TCF4: variants seen among roughly 807,000 people sequenced by gnomAD.
TCF4 encodes the protein transcription factor 4.
Under a neutral mutation model 82.1 loss-of-function variants are expected in TCF4, and 3 were observed. The observed-to-expected ratio is 0.04, with a 90% CI of 0.02 to 0.09. The LOEUF (loss-of-function observed/expected upper bound fraction) is 0.09. TCF4 is among the 10% of genes least tolerant of loss of function. The pLI is 1.00. For missense variants in TCF4, 518 were observed against 852.7 expected (o/e 0.61, Z 4.89); for synonymous variants, 276 against 309.6 (o/e 0.89, Z 1.14).
intron 2 of TCF4, among the ~76,000 whole-genome samples, chr18:55,626,667 G>A (rs1049553084): frequency 6.6e-6 from 1 of 152,202 alleles, no homozygotes; most frequent in African/African-American, 2.4e-5. Flanking sequence ...GACCAGGAGT[G>A]TAAAAGGTAC....
chr18:55,368,104 A>G (rs2145465999), intron 6 of TCF4, among the ~76,000 whole-genome samples: 1 of 152,316 alleles, frequency 6.6e-6, no homozygotes, highest in East Asian at 1.9e-4. Flanking sequence ...TAGTGTTTTC[A>G]GCCGGGCGCG....
intron 8 of TCF4, among the ~76,000 whole-genome samples, chr18:55,349,369 T>C (rs1467908551): frequency 3.9e-5 from 6 of 152,140 alleles, no homozygotes; most frequent in Non-Finnish European, 8.8e-5. Flanking sequence ...AGACCTATTA[T>C]TCTTCTAATA....
At chr18:55,589,954 G>A (rs559022105), upstream of TCF4, 23 of 495,928 alleles carry the variant, frequency 4.6e-5, no homozygotes, top group South Asian at 8.7e-5. Flanking sequence ...CTCCGGGAGC[G>A]GAGGCGGGTG....
intron 3 of TCF4, among the ~76,000 whole-genome samples, chr18:55,532,653 A>T (rs1045785848): frequency 1.3e-5 from 2 of 152,238 alleles, no homozygotes; most frequent in Non-Finnish European, 2.9e-5. Flanking sequence ...GTTCTAGCTT[A>T]AAGGATGGTC....
At chr18:55,280,482 T>C (rs11876095) in intron 8 of TCF4, among the ~76,000 whole-genome samples, 1,629 of 152,286 alleles carry the variant, frequency 0.011, 34 homozygotes, top group African/African-American at 0.036. Context: ...AAAGCACAAA[T>C]TCATAAGGTA....
chr18:55,304,136 G>A (rs1297792148), intron 8 of TCF4, among the ~76,000 whole-genome samples: 1 of 152,166 alleles, frequency 6.6e-6, no homozygotes, highest in East Asian at 1.9e-4. Context: ...TATAAGTAAA[G>A]CTAGAGGGTC....
At chr18:55,261,971 G>A (rs550886213) in intron 11 of TCF4, among the ~76,000 whole-genome samples, 37 of 152,232 alleles carry the variant, frequency 2.4e-4, no homozygotes, top group African/African-American at 7.5e-4. Context: ...ATAGCAAAAC[G>A]GGGTATTCGT....
At position 55,489,438 on chromosome 18, in the gene TCF4, G is replaced by A. The variant is rs75208627; in HGVS notation, c.146-25301C>T. Among the ~76,000 whole-genome samples, 798 of 152,158 alleles carry A rather than the reference G, an allele frequency of 5.2e-3. 8 individuals carry two copies. The highest frequency in any genetic ancestry group is 0.018 in the African/African-American group (763 of 41,486). Reference sequence around the variant, plus strand: ...GTTGAAGAGAAGATAATAAAGTTCAGAGCCTCAAGTACCAGGCGAGTATCA... The same window carrying A: ...GTTGAAGAGAAGATAATAAAGTTCAAAGCCTCAAGTACCAGGCGAGTATCA... On this transcript the variant is annotated intron_variant, in intron 3 of 19. Transcript: ENST00000354452.
intron 3 of TCF4, 38 bp from the exon 4 acceptor site, chr18:55,464,175 G>T: frequency 6.3e-7 from 1 of 1,597,254 alleles, no homozygotes; most frequent in Non-Finnish European, 8.6e-7. Context: ...CTTTCTTGCA[G>T]TAATTTTTTC....
intron 3 of TCF4, among the ~76,000 whole-genome samples, chr18:55,511,330 TTAAAAAAAAAAA>T (rs2096826730): frequency 2.7e-5 from 2 of 73,072 alleles, no homozygotes; most frequent in African/African-American, 7.2e-5. Flanking sequence ...TTCCAAAAGT[TTAAAAAAAAAAA>T]AAAAAAAAGC....
chr18:55,281,656 A>G (rs2062630908), intron 8 of TCF4, among the ~76,000 whole-genome samples: 1 of 151,852 alleles, frequency 6.6e-6, no homozygotes, highest in African/African-American at 2.4e-5. Flanking sequence ...ATCCTTAAAC[A>G]TATATATCAT....
chr18:55,228,926 C>T lies in TCF4; in HGVS notation c.1800G>A (p.Lys600=), dbSNP rs1599373597. 1 of 1,614,146 alleles carries T rather than the reference C, an allele frequency of 6.2e-7. No individual in the cohort carries two copies. The highest frequency in any genetic ancestry group is 1.3e-5 in the African/African-American group (1 of 75,038). The change falls in exon 18 of 20, where the codon AAG becomes AAA. Residue 600 remains lysine (K), a synonymous_variant. Transcript: ENST00000354452. The part of the protein sequence containing the change: ...ELGRMVQLHL[K]SDKPQTKLLI... ...GGAGCTTGGTCTGGGGCTTGTCACTCTTGAGGTGGAGCTGCACCATGCGGC... is the reference window on the plus strand; with the variant it reads ...GGAGCTTGGTCTGGGGCTTGTCACTTTTGAGGTGGAGCTGCACCATGCGGC...
At chr18:55,398,792 C>G (rs2093639449) in intron 6 of TCF4, among the ~76,000 whole-genome samples, 1 of 152,168 alleles carries the variant, frequency 6.6e-6, no homozygotes, top group African/African-American at 2.4e-5. Context: ...GGTACACATT[C>G]AGGATAAAGC....
chr18:55,527,775 C>A (rs2097005076), intron 3 of TCF4, among the ~76,000 whole-genome samples: 1 of 152,018 alleles, frequency 6.6e-6, no homozygotes, highest in African/African-American at 2.4e-5. Flanking sequence ...TGGCCTCCCC[C>A]AAGATTTTCA....
rs1213199005 is a variant in TCF4 at position 55,423,484 on chromosome 18, CCTA to C, written c.305-19969_305-19967del. 8 of 152,080 alleles carry C rather than the reference CCTA, an allele frequency of 5.3e-5. No individual in the cohort carries two copies. The East Asian group carries it at 1.5e-3, about 29-fold the overall frequency. The allele number at this position is 152,080 out of a possible 1,614,324, so 9.4% of individuals were successfully genotyped here. On this transcript the variant is annotated intron_variant, in intron 5 of 19. Coordinates refer to ENST00000354452, the MANE Select transcript of TCF4 (RefSeq NM_001083962.2). Reference sequence around the variant, plus strand: ...AAGCAAAGGGGAAAAACCGTACTTTCCTACTACATTACTTGGACAGACTTTAGA... The same window carrying C: ...AAGCAAAGGGGAAAAACCGTACTTTCCTACATTACTTGGACAGACTTTAGA...
intron 2 of TCF4, among the ~76,000 whole-genome samples, chr18:55,621,465 A>T (rs1338076836): frequency 1.8e-5 from 2 of 113,340 alleles, no homozygotes; most frequent in African/African-American, 3.4e-5. Context: ...ATAATATATA[A>T]TATATATAAA....
chr18:55,585,768 T>C lies in TCF4; in HGVS notation c.73-416A>G, dbSNP rs2097638075. The C allele has an allele frequency of 4.5e-6, 5 of 1,100,218 alleles. No homozygotes were observed. In the South Asian group the frequency reaches 1.4e-4, roughly 32 times the overall value. 68.2% of individuals were successfully genotyped at this position (1,100,218 alleles called of 1,614,324 possible). A position where few individuals can be genotyped will look rare whatever the true frequency, so the allele number is the denominator to read the frequency against. ...ATGTCCATTTCCATCTCGTATAGGATTTGCCTGTCATATGTGAACCCAAAT... is the reference window on the plus strand; with the variant it reads ...ATGTCCATTTCCATCTCGTATAGGACTTGCCTGTCATATGTGAACCCAAAT... On this transcript the variant is annotated intron_variant, in intron 2 of 19. Coordinates refer to ENST00000354452, the MANE Select transcript of TCF4 (RefSeq NM_001083962.2).
At chr18:55,240,453 C>G (rs935211964) in intron 15 of TCF4, among the ~76,000 whole-genome samples, 2 of 152,204 alleles carry the variant, frequency 1.3e-5, no homozygotes, top group Non-Finnish European at 2.9e-5. Context: ...AATTATCTTG[C>G]CAGACCTCTG....
intron 12 of TCF4, chr18:55,261,208 C>T (rs1172437730): frequency 4.2e-6 from 2 of 480,992 alleles, no homozygotes; most frequent in Non-Finnish European, 7.5e-6. Context: ...AACCTATAAA[C>T]CCAAAGACCA....
Sources: gnomAD v4.1 joint callset for allele counts (sites outside exome capture counted in the v4.1 genomes callset) on GRCh38, gnomAD v4.1.1 for gene constraint, MANE v1.5 for transcripts, NCBI Gene and HGNC (gene_info 2026-07-23, HGNC 2026-07-21) for gene names.